Variants in STAG2 observed in about 807,000 individuals in gnomAD.
STAG2 encodes STAG2 cohesin complex component, also known as cohesin subunit SA-2.
Under a neutral mutation model 108.1 loss-of-function variants are expected in STAG2, and 14 were observed. That is an observed-to-expected ratio of 0.13 (90% CI 0.09 to 0.20). The LOEUF is 0.20. Among genes scored for constraint, STAG2 ranks in the 10% least tolerant of loss-of-function variants. STAG2 has a pLI of 1.00. For missense variants in STAG2, 440 were observed against 940.9 expected (o/e 0.47, Z 6.96); for synonymous variants, 307 against 302.7 (o/e 1.01, Z -0.15).
chrX:124,019,903 A>C (rs953703544), intron 1 of STAG2, among the ~76,000 whole-genome samples: 4 of 112,206 alleles, frequency 3.6e-5, no homozygotes, highest in African/African-American at 1.3e-4. Context: ...GCGCCACTGC[A>C]CTCCAGTGCG....
chrX:124,068,721 G>T (rs2058597252), intron 24 of STAG2, 65 bp downstream of exon 24: 1 of 787,464 alleles, frequency 1.3e-6, no homozygotes, highest in Admixed American at 3.4e-5. Flanking sequence ...AACTAATGTA[G>T]AAAGTTTAAA....
chrX:123,972,626 T>G (rs1299040989), intron 1 of STAG2, among the ~76,000 whole-genome samples: 5 of 109,753 alleles, frequency 4.6e-5, no homozygotes, highest in Non-Finnish European at 9.5e-5. Flanking sequence ...AAGATATAGC[T>G]TGAAGGGGGA....
chrX:123,989,556 T>C (rs894003305), intron 1 of STAG2, among the ~76,000 whole-genome samples: 2 of 110,590 alleles, frequency 1.8e-5, no homozygotes, highest in African/African-American at 6.6e-5. Flanking sequence ...TGACTTAGTG[T>C]TTTTTCTTCC....
intron 1 of STAG2, among the ~76,000 whole-genome samples, chrX:124,006,691 G>T (rs1048069102): frequency 4.5e-5 from 5 of 110,756 alleles, no homozygotes; most frequent in African/African-American, 1.6e-4. Context: ...CGCCCACCTC[G>T]GCCTCCCAAA....
At position 123,979,802 on chromosome X, in the gene STAG2, T is replaced by G. The variant is rs181395031; in HGVS notation, c.-163+17946T>G. On this transcript the variant is annotated intron_variant, in intron 1 of 34. Coordinates refer to ENST00000371145, the MANE Select transcript of STAG2 (RefSeq NM_001042750.2). ...TTTGAGTGACCATTTATAGTGTATT[T>G]GTGATGATCACAGCATAGAGCTTGA... is the stretch of plus-strand genomic sequence containing the variant. Among the ~76,000 whole-genome samples, 7 of 111,871 alleles carry G rather than the reference T, an allele frequency of 6.3e-5. No individual in the cohort carries two copies. The East Asian group carries it at 2.0e-3, about 31-fold the overall frequency.
rs183493045 is a variant in STAG2, at chrX:123,974,166, G to A, written c.-163+12310G>A. Among the ~76,000 whole-genome samples, 4 of 110,918 alleles carry A rather than the reference G, an allele frequency of 3.6e-5. No homozygotes were observed. In the East Asian group the frequency reaches 1.1e-3, roughly 31 times the overall value. ...GAGGGCTTTAATGTAGCCTTGGAAT[G>A]CTTCAGTCTTTGGCAGTTGTTAATA... On this transcript the variant is annotated intron_variant, in intron 1 of 34. Coordinates refer to ENST00000371145, the MANE Select transcript of STAG2 (RefSeq NM_001042750.2).
chrX:124,011,382 C>G (rs2647634), intron 1 of STAG2, among the ~76,000 whole-genome samples: 1 of 109,876 alleles, frequency 9.1e-6, no homozygotes, highest in Non-Finnish European at 1.9e-5. Context: ...ACTTTTCCTG[C>G]CTAATTGCTT....
At chrX:124,068,782 T>G in intron 24 of STAG2, 126 bp downstream of exon 24, 1 of 406,860 alleles carries the variant, frequency 2.5e-6, no homozygotes. Flanking sequence ...CCTATGTATA[T>G]TATACTAAAA....
chrX:124,056,665 G>A (rs1420778530), intron 14 of STAG2, among the ~76,000 whole-genome samples: 1 of 102,928 alleles, frequency 9.7e-6, no homozygotes, highest in African/African-American at 3.6e-5. Flanking sequence ...CTCGGGAGGC[G>A]GAGCTTGCAC....
In STAG2 at chrX:124,045,672, A is replaced by T. The variant is rs1489800437; in HGVS notation, c.667+304A>T. On this transcript the variant is annotated intron_variant, in intron 8 of 34. Transcript: ENST00000371145. ...GGGTTCTTGAAAAATACTATGCCAC[A>T]GCAAGGGAAAATTGGACTATAGGTA... 2.7e-5 allele frequency among the ~76,000 whole-genome samples: 3 copies of T among 111,570 alleles called. No homozygotes were observed. In the East Asian group the frequency reaches 8.4e-4, roughly 31 times the overall value.
At chrX:124,078,575 T>C (rs1219537780) in intron 27 of STAG2, among the ~76,000 whole-genome samples, 3 of 111,278 alleles carry the variant, frequency 2.7e-5, no homozygotes, top group African/African-American at 9.8e-5. Flanking sequence ...ATATTAACAG[T>C]GGTTAACTTG....
At chrX:124,006,678 ATC>A (rs1358876360) in intron 1 of STAG2, among the ~76,000 whole-genome samples, 1 of 110,558 alleles carries the variant, frequency 9.0e-6, no homozygotes, top group African/African-American at 3.3e-5. Context: ...TGACCTTGTG[ATC>A]CGCCCACCTC....
chrX:123,988,606 T>C (rs1476073218), intron 1 of STAG2, among the ~76,000 whole-genome samples: 1 of 111,763 alleles, frequency 8.9e-6, no homozygotes, highest in Non-Finnish European at 1.9e-5. Context: ...TTACTTCATA[T>C]ATTTTATGGT....
intron 1 of STAG2, among the ~76,000 whole-genome samples, chrX:123,970,578 G>T (rs1236536320): frequency 8.9e-6 from 1 of 112,007 alleles, no homozygotes; most frequent in East Asian, 2.8e-4. Context: ...CAATGTGAAT[G>T]CTGTTGATAC....
intron 1 of STAG2, among the ~76,000 whole-genome samples, chrX:124,017,485 C>T (rs773230114): frequency 1.8e-5 from 2 of 111,638 alleles, no homozygotes; most frequent in Non-Finnish European, 3.8e-5. Context: ...GTTTGGATTA[C>T]AGGCGTGAGC....
chrX:124,047,667 C>T (rs1300876311), intron 9 of STAG2, among the ~76,000 whole-genome samples, 162 bp downstream of exon 9: 1 of 111,641 alleles, frequency 9.0e-6, no homozygotes, highest in East Asian at 2.8e-4. Flanking sequence ...AATATCCGTG[C>T]CAACAATACT....
At chrX:124,100,288 G>C (rs1364435542) in intron 34 of STAG2, among the ~76,000 whole-genome samples, 2 of 111,136 alleles carry the variant, frequency 1.8e-5, no homozygotes, top group Non-Finnish European at 3.8e-5. Context: ...CCTATGTTTA[G>C]GGTATTATCT....
At position 124,047,272 on chromosome X, in the gene STAG2, T is replaced by G. The variant is rs184682434; in HGVS notation, c.668-82T>G. On this transcript the variant is annotated intron_variant, in intron 8 of 34. Coordinates refer to ENST00000371145, the MANE Select transcript of STAG2 (RefSeq NM_001042750.2). The stretch of plus-strand genomic sequence containing the variant: ...TAGAAGCAGATTAGCTCATTTCTGC[T>G]TAATATTTCTATTTGATCTTAAATT... 268 of 868,050 alleles carry G rather than the reference T, an allele frequency of 3.1e-4. 1 individual carries two copies. The Middle Eastern group carries it at 4.0e-3, about 13-fold the overall frequency. The allele number at this position is 868,050 out of a possible 1,213,427, so 71.5% of individuals were successfully genotyped here. A position where few individuals can be genotyped will look rare whatever the true frequency, so the allele number is the denominator to read the frequency against.
chrX:124,022,287 C>G (rs2056955149), intron 2 of STAG2, among the ~76,000 whole-genome samples: 1 of 109,260 alleles, frequency 9.2e-6, no homozygotes, highest in African/African-American at 3.3e-5. Context: ...AGGAGAATCG[C>G]TTGAACCTGG....
Sources: gnomAD v4.1 joint callset for allele counts (sites outside exome capture counted in the v4.1 genomes callset) on GRCh38, gnomAD v4.1.1 for gene constraint, MANE v1.5 for transcripts, NCBI Gene and HGNC (gene_info 2026-07-23, HGNC 2026-07-21) for gene names.